SDCBP: variants seen among roughly 807,000 people sequenced by gnomAD.
The protein encoded by SDCBP is syntenin-1.
A neutral mutation model predicts 30.5 loss-of-function variants in SDCBP; 22 were observed. The observed-to-expected ratio is 0.72, with a 90% CI of 0.52 to 1.03. The LOEUF (loss-of-function observed/expected upper bound fraction) is 1.03, where lower values mean the gene tolerates loss of function less well. Among genes scored for constraint, SDCBP ranks in the 50% least tolerant of loss-of-function variants. The pLI is 0.00. For missense variants in SDCBP, 304 were observed against 369.9 expected, an observed-to-expected ratio of 0.82 and a Z score of 1.46; for synonymous variants, 103 against 118.7, an observed-to-expected ratio of 0.87 and a Z score of 0.86.
intron 1 of SDCBP, among the ~76,000 whole-genome samples, chr8:58,556,248 C>T (rs753604369): frequency 4.1e-4 from 63 of 152,148 alleles, no homozygotes; most frequent in Non-Finnish European, 6.3e-4. Flanking sequence ...AACTATATCA[C>T]GAGGAGCGTT....
intron 1 of SDCBP, among the ~76,000 whole-genome samples, chr8:58,562,013 C>A (rs1269002110): frequency 6.7e-6 from 1 of 150,252 alleles, no homozygotes; most frequent in African/African-American, 2.5e-5. Context: ...TCCATGGTAA[C>A]CACAAAGAAA....
intron 4 of SDCBP, among the ~76,000 whole-genome samples, chr8:58,575,373 T>C (rs1805258049): frequency 6.6e-6 from 1 of 152,214 alleles, no homozygotes; most frequent in Non-Finnish European, 1.5e-5. Context: ...TTTGTGCATA[T>C]GATTTGTTAA....
chr8:58,576,167 C>A, intron 5 of SDCBP, 106 bp downstream of exon 5: 1 of 818,438 alleles, frequency 1.2e-6, no homozygotes, highest in Non-Finnish European at 1.9e-6. Context: ...AATAGTGCAT[C>A]TGTAGTTGAG....
At chr8:58,561,238 C>T (rs1437454338) in intron 1 of SDCBP, 1 of 152,128 alleles carries the variant, frequency 6.6e-6, no homozygotes, top group Non-Finnish European at 1.5e-5. Flanking sequence ...ACTAATGGGA[C>T]AGCATCAATT....
At chr8:58,556,227 C>T (rs1352968006) in intron 1 of SDCBP, among the ~76,000 whole-genome samples, 1 of 152,202 alleles carries the variant, frequency 6.6e-6, no homozygotes. Flanking sequence ...AGGTGGATGG[C>T]TTCAGGATGA....
chr8:58,559,753 A>G lies in SDCBP; in HGVS notation c.-15-5266A>G, dbSNP rs1804337829. ...AGAAATACTGATTCAATAACAATACACACACCAGACCTCTTTGTGAGAAAT... is the reference window on the plus strand; with the variant it reads ...AGAAATACTGATTCAATAACAATACGCACACCAGACCTCTTTGTGAGAAAT... On this transcript the variant is annotated intron_variant, in intron 1 of 8. Coordinates refer to ENST00000260130, the MANE Select transcript of SDCBP (RefSeq NM_005625.4). Among the ~76,000 whole-genome samples, 6 of 152,212 alleles carry G rather than the reference A, an allele frequency of 3.9e-5. No homozygotes were observed. In the South Asian group the frequency reaches 1.2e-3, roughly 31 times the overall value.
intron 1 of SDCBP, among the ~76,000 whole-genome samples, chr8:58,559,054 T>C (rs556270262): frequency 1.3e-5 from 2 of 152,352 alleles, no homozygotes; most frequent in Admixed American, 6.5e-5. Context: ...TTCAGAAGTG[T>C]AAATTACGGT....
chr8:58,558,176 C>T (rs764954485), intron 1 of SDCBP, among the ~76,000 whole-genome samples: 1 of 152,142 alleles, frequency 6.6e-6, no homozygotes, highest in Non-Finnish European at 1.5e-5. Context: ...TACGGACTTG[C>T]CCTAAGAATA....
At chr8:58,577,972 C>T (rs1805441660) in intron 5 of SDCBP, 61 bp from the exon 6 acceptor site, 3 of 1,275,202 alleles carry the variant, frequency 2.4e-6, no homozygotes, top group Admixed American at 2.0e-5. Context: ...CCTAATTTTC[C>T]AGCGTTTAAA....
intron 7 of SDCBP, among the ~76,000 whole-genome samples, chr8:58,580,276 G>C (rs1396891179): frequency 6.6e-6 from 1 of 152,066 alleles, no homozygotes; most frequent in East Asian, 1.9e-4. Flanking sequence ...TGTATATGGG[G>C]AAAATTATCT....
intron 1 of SDCBP, chr8:58,561,440 G>C: frequency 4.9e-6 from 1 of 202,552 alleles, no homozygotes. Flanking sequence ...TAATCAAATT[G>C]TCAAAGAATT....
chr8:58,562,074 T>TA (rs201931443), intron 1 of SDCBP, among the ~76,000 whole-genome samples: 6,906 of 143,716 alleles, frequency 0.048, 436 homozygotes, highest in East Asian at 0.33. Flanking sequence ...GCATATCTAT[T>TA]AAAAAAAAAA....
chr8:58,569,366 C>T (rs1024790656), intron 2 of SDCBP, among the ~76,000 whole-genome samples: 1 of 149,992 alleles, frequency 6.7e-6, no homozygotes. Context: ...CTGTGCCTGG[C>T]CAAAACAATT....
At chr8:58,566,068 C>A (rs1413852745) in intron 2 of SDCBP, among the ~76,000 whole-genome samples, 2 of 152,132 alleles carry the variant, frequency 1.3e-5, no homozygotes, top group African/African-American at 4.8e-5. Flanking sequence ...GCTGCCAAGG[C>A]TTTGATGCCT....
intron 1 of SDCBP, among the ~76,000 whole-genome samples, chr8:58,553,725 G>C (rs1364884546): frequency 6.6e-6 from 1 of 152,260 alleles, no homozygotes. Context: ...TCTGGCCACG[G>C]TTCCTCCCAG....
chr8:58,566,925 A>C (rs1486360198), intron 2 of SDCBP, among the ~76,000 whole-genome samples: 1 of 152,198 alleles, frequency 6.6e-6, no homozygotes, highest in Non-Finnish European at 1.5e-5. Context: ...TCTCCATTCC[A>C]AATCCTGACA....
chr8:58,557,731 G>C (rs969356623), intron 1 of SDCBP, among the ~76,000 whole-genome samples: 4 of 152,044 alleles, frequency 2.6e-5, no homozygotes, highest in Admixed American at 6.6e-5. Flanking sequence ...TCTTTCCAAG[G>C]AATTAGGCCA....
intron 1 of SDCBP, chr8:58,560,443 C>G (rs1804376189): frequency 6.6e-6 from 1 of 152,224 alleles, no homozygotes; most frequent in Non-Finnish European, 1.5e-5. Flanking sequence ...TCCAGCACTT[C>G]AGAGAGCTAC....
At position 58,579,782 on chromosome 8, in the gene SDCBP, C is replaced by T; in HGVS notation, c.738C>T (p.Val246=). 1 of 1,608,306 alleles carries T rather than the reference C, an allele frequency of 6.2e-7. No individual in the cohort carries two copies. The highest frequency in any genetic ancestry group is 8.5e-7 in the Non-Finnish European group (1 of 1,177,596). The stretch of plus-strand genomic sequence containing the variant: ...TCTGTGAAATCAATGGACAGAATGT[C>T]ATTGGATTGAAGGTAAGGAACAGAC... ...HNICEINGQN[V]IGLKDSQIAD... The change falls in exon 7 of 9, where the codon GTC becomes GTT. Residue 246 remains valine, a synonymous_variant. Coordinates refer to ENST00000260130, the MANE Select transcript of SDCBP (RefSeq NM_005625.4).
Sources: allele counts gnomAD v4.1 joint callset (sites outside exome capture counted in the v4.1 genomes callset), GRCh38; gene constraint gnomAD v4.1.1; transcripts MANE v1.5; gene names NCBI Gene and HGNC (gene_info 2026-07-23, HGNC 2026-07-21).